Variants in PTPRD observed in about 807,000 individuals in gnomAD.
The protein encoded by PTPRD is protein tyrosine phosphatase receptor type D.
In PTPRD, 34 loss-of-function variants were observed where a neutral mutation model predicts 214.5. The observed-to-expected ratio is 0.16, with a 90% CI of 0.12 to 0.21. PTPRD has a LOEUF of 0.21. Among genes scored for constraint, PTPRD ranks in the 10% least tolerant of loss-of-function variants. The pLI, the probability that PTPRD is intolerant of heterozygous loss-of-function variation, is 1.00. For missense variants in PTPRD, 2,545 were observed against 2,398.7 expected (o/e 1.06, Z -1.27); for synonymous variants, 1,128 against 845.7 (o/e 1.33, Z -5.79).
At chr9:9,446,908 G>T (rs996262162) in intron 8 of PTPRD, among the ~76,000 whole-genome samples, 1 of 152,004 alleles carries the variant, frequency 6.6e-6, no homozygotes, top group Non-Finnish European at 1.5e-5. Flanking sequence ...AGAAGCATAT[G>T]AAAAAAAGCT....
At chr9:10,146,002 C>T (rs2099019872) in intron 3 of PTPRD, among the ~76,000 whole-genome samples, 1 of 151,662 alleles carries the variant, frequency 6.6e-6, no homozygotes, top group Non-Finnish European at 1.5e-5. Context: ...ATCAAATATT[C>T]TATTGGATTT....
At chr9:9,443,181 C>G (rs2088903638) in intron 8 of PTPRD, among the ~76,000 whole-genome samples, 1 of 152,064 alleles carries the variant, frequency 6.6e-6, no homozygotes, top group Non-Finnish European at 1.5e-5. Flanking sequence ...AAATCTTCAA[C>G]TGTTACTAAA....
chr9:8,528,468 A>G (rs760461559), intron 15 of PTPRD, 123 bp downstream of exon 15: 3 of 873,760 alleles, frequency 3.4e-6, no homozygotes, highest in African/African-American at 1.7e-5. Context: ...TAACAGAGAA[A>G]GAGAAGAGGG....
chr9:8,839,253 T>C (rs2043402), intron 11 of PTPRD, among the ~76,000 whole-genome samples: 3,817 of 152,268 alleles, frequency 0.025, 160 homozygotes, highest in African/African-American at 0.085. Context: ...GTTTTGCCTA[T>C]TAAATGAACA....
chr9:8,527,246 T>C, intron 16 of PTPRD, 99 bp downstream of exon 16: 1 of 1,282,296 alleles, frequency 7.8e-7, no homozygotes. Context: ...ACACTGACAG[T>C]TAGTAAAATG....
At chr9:10,445,175 A>G (rs1442278751) in intron 2 of PTPRD, among the ~76,000 whole-genome samples, 13 of 152,048 alleles carry the variant, frequency 8.5e-5, no homozygotes, top group Non-Finnish European at 1.8e-4. Flanking sequence ...AAAATCTTGC[A>G]CTTACAGGAG....
intron 33 of PTPRD, 103 bp downstream of exon 33, chr9:8,460,308 T>G (rs1337104336): frequency 7.6e-7 from 1 of 1,322,750 alleles, no homozygotes; most frequent in East Asian, 2.3e-5. Flanking sequence ...GGCACTGAAG[T>G]ATTTCTACTA....
intron 12 of PTPRD, among the ~76,000 whole-genome samples, chr9:8,724,880 G>A (rs908090603): frequency 6.6e-6 from 1 of 152,142 alleles, no homozygotes; most frequent in Non-Finnish European, 1.5e-5. Context: ...AGAAGGTGCA[G>A]TGAGCCGAGA....
At chr9:10,592,718 G>A (rs1050453468) in intron 2 of PTPRD, among the ~76,000 whole-genome samples, 4 of 151,952 alleles carry the variant, frequency 2.6e-5, no homozygotes, top group African/African-American at 7.2e-5. Flanking sequence ...ACCAATCAGC[G>A]CTTTGTAGCT....
intron 2 of PTPRD, among the ~76,000 whole-genome samples, chr9:10,462,261 C>A (rs1356978251): frequency 1.3e-5 from 2 of 152,030 alleles, no homozygotes; most frequent in African/African-American, 4.8e-5. Context: ...TTAAGGAATT[C>A]ATGTAGAAAT....
chr9:9,712,350 A>T (rs763750196), intron 7 of PTPRD, among the ~76,000 whole-genome samples: 10 of 152,130 alleles, frequency 6.6e-5, no homozygotes, highest in Non-Finnish European at 1.2e-4. Context: ...ACACAGTGAT[A>T]GGCTGACAAA....
At chr9:8,829,257 C>G (rs1347627838) in intron 11 of PTPRD, among the ~76,000 whole-genome samples, 5 of 152,122 alleles carry the variant, frequency 3.3e-5, no homozygotes, top group Non-Finnish European at 7.4e-5. Context: ...TGTTCATGTC[C>G]TTATCCAGTC....
chr9:10,172,085 T>A (rs1328253067), intron 3 of PTPRD, among the ~76,000 whole-genome samples: 1 of 152,194 alleles, frequency 6.6e-6, no homozygotes, highest in South Asian at 2.1e-4. Flanking sequence ...ATGTTTACAC[T>A]GAATACCAAA....
At chr9:8,726,803 GAAAAA>G (rs35672150) in intron 12 of PTPRD, among the ~76,000 whole-genome samples, 1 of 113,356 alleles carries the variant, frequency 8.8e-6, no homozygotes, top group Non-Finnish European at 1.8e-5. Flanking sequence ...TCCATCTCAA[GAAAAA>G]AAAAAAAAAA....
At chr9:9,841,356 T>G (rs2058289125) in intron 5 of PTPRD, among the ~76,000 whole-genome samples, 2 of 152,124 alleles carry the variant, frequency 1.3e-5, no homozygotes, top group Admixed American at 1.3e-4. Flanking sequence ...CTATATAACT[T>G]GTGCAAGTTA....
At position 8,475,683 on chromosome 9, in the gene PTPRD, T is replaced by G. The variant is rs189582480; in HGVS notation, c.3414-4598A>C. Among the ~76,000 whole-genome samples the G allele has an allele frequency of 2.6e-5, 4 of 152,320 alleles. No individual in the cohort carries two copies. The East Asian group carries it at 7.7e-4, about 29-fold the overall frequency. On this transcript the variant is annotated intron_variant, in intron 30 of 45. Transcript: ENST00000381196. ...AACATTGCACTACAATCCATTTCAGTGCACAAGCCAGAAACCTAGGTGTTA... is the reference window on the plus strand; with the variant it reads ...AACATTGCACTACAATCCATTTCAGGGCACAAGCCAGAAACCTAGGTGTTA...
intron 3 of PTPRD, among the ~76,000 whole-genome samples, chr9:10,198,005 C>T (rs1268994223): frequency 2.6e-5 from 4 of 151,964 alleles, no homozygotes; most frequent in Non-Finnish European, 2.9e-5. Flanking sequence ...TTATTTTCAA[C>T]CTAGAGATAA....
intron 2 of PTPRD, among the ~76,000 whole-genome samples, chr9:10,523,230 T>C (rs2052974877): frequency 6.6e-6 from 1 of 151,986 alleles, no homozygotes; most frequent in African/African-American, 2.4e-5. Context: ...GTGCCTAGAT[T>C]GCAAAATCCT....
chr9:9,734,815 T>G (rs1564853883), intron 6 of PTPRD, among the ~76,000 whole-genome samples: 1 of 152,102 alleles, frequency 6.6e-6, no homozygotes, highest in African/African-American at 2.4e-5. Context: ...GAAAATATTT[T>G]TTCCAATTAT....
Sources: gnomAD v4.1 joint callset for allele counts (sites outside exome capture counted in the v4.1 genomes callset) on GRCh38, gnomAD v4.1.1 for gene constraint, MANE v1.5 for transcripts, NCBI Gene and HGNC (gene_info 2026-07-23, HGNC 2026-07-21) for gene names.